Variants in MGMT observed in about 807,000 individuals in gnomAD.
The protein encoded by MGMT is O-6-methylguanine-DNA methyltransferase.
In MGMT, 14 loss-of-function variants were observed where a neutral mutation model predicts 15.9. That is an observed-to-expected ratio of 0.88 (90% CI 0.58 to 1.37). MGMT has a LOEUF of 1.37. Ranked by LOEUF, MGMT falls within the 40% of genes most tolerant of loss-of-function variation. The pLI is 0.00. For missense variants in MGMT, 282 were observed against 268.1 expected (o/e 1.05, Z -0.36); for synonymous variants, 130 against 118.2 (o/e 1.10, Z -0.65).
intron 3 of MGMT, chr10:129,717,717 G>A (rs570060312): frequency 4.6e-5 from 7 of 152,140 alleles, no homozygotes; most frequent in African/African-American, 1.2e-4. Context: ...TGGTCCCTCC[G>A]TGCCGCACAC....
At chr10:129,720,008 G>A (rs184852119) in intron 3 of MGMT, among the ~76,000 whole-genome samples, 166 of 152,296 alleles carry the variant, frequency 1.1e-3, no homozygotes, top group African/African-American at 5.8e-4. Context: ...AGATTGGGCC[G>A]TTATTAGGAA....
intron 2 of MGMT, among the ~76,000 whole-genome samples, chr10:129,681,455 T>C (rs912311755): frequency 6.6e-6 from 1 of 152,172 alleles, no homozygotes; most frequent in Non-Finnish European, 1.5e-5. Context: ...AGATCACTCA[T>C]CCTGGAAACT....
At chr10:129,485,994 A>T (rs117558300) in intron 1 of MGMT, among the ~76,000 whole-genome samples, 4,805 of 152,350 alleles carry the variant, frequency 0.032, 121 homozygotes, top group South Asian at 0.066. Context: ...TCAAAGGACA[A>T]TAATTTTCAA....
chr10:129,744,657 G>A (rs1848673420), intron 3 of MGMT, among the ~76,000 whole-genome samples: 1 of 152,226 alleles, frequency 6.6e-6, no homozygotes, highest in African/African-American at 2.4e-5. Context: ...GTGCCACGGA[G>A]AGCCAGCCAG....
chr10:129,555,781 G>A (rs1177243577), intron 2 of MGMT, among the ~76,000 whole-genome samples: 1 of 152,170 alleles, frequency 6.6e-6, no homozygotes. Flanking sequence ...GAATATATGT[G>A]CTCTTAACAA....
chr10:129,632,223 C>A (rs1254042700), intron 2 of MGMT, among the ~76,000 whole-genome samples: 5 of 152,178 alleles, frequency 3.3e-5, no homozygotes, highest in Admixed American at 2.6e-4. Context: ...TTATTTAACA[C>A]CCTGTGATTG....
chr10:129,732,184 T>C (rs1320264580), intron 3 of MGMT, among the ~76,000 whole-genome samples: 5 of 152,174 alleles, frequency 3.3e-5, no homozygotes, highest in African/African-American at 1.2e-4. Context: ...CTTTAAGTTC[T>C]AGGGTACATG....
intron 3 of MGMT, among the ~76,000 whole-genome samples, chr10:129,743,726 A>G (rs190881320): frequency 3.9e-5 from 6 of 152,348 alleles, no homozygotes; most frequent in Admixed American, 1.3e-4. Context: ...ATGCTGAAAC[A>G]AATGCCATTG....
chr10:129,671,036 A>G (rs532523995), intron 2 of MGMT, among the ~76,000 whole-genome samples: 20 of 152,284 alleles, frequency 1.3e-4, no homozygotes, highest in Non-Finnish European at 2.6e-4. Context: ...TGCCTGAAGA[A>G]TACCTTTTCA....
intron 2 of MGMT, among the ~76,000 whole-genome samples, chr10:129,626,448 T>A (rs1050316481): frequency 1.3e-5 from 2 of 152,102 alleles, no homozygotes; most frequent in Non-Finnish European, 2.9e-5. Context: ...TCGGGGGTGA[T>A]TGGAATGTTT....
At chr10:129,679,152 C>G (rs1428996904) in intron 2 of MGMT, among the ~76,000 whole-genome samples, 1 of 151,894 alleles carries the variant, frequency 6.6e-6, no homozygotes, top group Non-Finnish European at 1.5e-5. Flanking sequence ...ATTCTAAGCT[C>G]TTACAAGCAA....
At position 129,631,845 on chromosome 10, in the gene MGMT, A is replaced by T. The variant is rs552214591; in HGVS notation, c.126-76050A>T. On this transcript the variant is annotated intron_variant, in intron 2 of 4. Transcript: ENST00000651593. ...TCTCAATTTAATAAATAAATAAAAT[A>T]AAAAATGTATATTTCTATTGCATAA... Among the ~76,000 whole-genome samples the T allele has an allele frequency of 1.1e-4, 17 of 152,324 alleles. No individual in the cohort carries two copies. The South Asian group carries it at 2.9e-3, about 26-fold the overall frequency.
At chr10:129,468,157 C>A (rs1293851918) in intron 1 of MGMT, among the ~76,000 whole-genome samples, 1 of 152,186 alleles carries the variant, frequency 6.6e-6, no homozygotes, top group Non-Finnish European at 1.5e-5. Flanking sequence ...TATAGAGTAT[C>A]TGTTAAGTCA....
intron 2 of MGMT, among the ~76,000 whole-genome samples, chr10:129,604,959 G>GC (rs1300913250): frequency 4.6e-5 from 7 of 152,160 alleles, no homozygotes; most frequent in Admixed American, 1.3e-4. Context: ...TTAAATGGGG[G>GC]CCCCACTGTC....
At chr10:129,521,074 G>A (rs975533584) in intron 1 of MGMT, among the ~76,000 whole-genome samples, 1 of 152,132 alleles carries the variant, frequency 6.6e-6, no homozygotes, top group Non-Finnish European at 1.5e-5. Flanking sequence ...CGGGTGCCCA[G>A]CCTGACTGGG....
chr10:129,759,146 T>G, intron 3 of MGMT, 56 bp from the exon 4 acceptor site: 1 of 1,606,102 alleles, frequency 6.2e-7, no homozygotes, highest in Non-Finnish European at 8.5e-7. Context: ...GCTATTTATA[T>G]CAGAGCTGCT....
intron 1 of MGMT, among the ~76,000 whole-genome samples, chr10:129,489,989 G>C (rs947503855): frequency 1.3e-5 from 2 of 152,050 alleles, no homozygotes; most frequent in African/African-American, 4.8e-5. Flanking sequence ...CACTCATCTT[G>C]TTGCTTATTT....
chr10:129,499,533 C>G (rs1320345862), intron 1 of MGMT, among the ~76,000 whole-genome samples: 1 of 152,174 alleles, frequency 6.6e-6, no homozygotes, highest in East Asian at 1.9e-4. Context: ...AGAGATTTTT[C>G]TTTTTCTTAC....
intron 2 of MGMT, among the ~76,000 whole-genome samples, chr10:129,583,942 A>C (rs1190621387): frequency 3.3e-5 from 5 of 152,306 alleles, no homozygotes; most frequent in Admixed American, 6.5e-5. Flanking sequence ...GTGAGGCAGG[A>C]CGTGGAGCAC....
Sources: gnomAD v4.1 joint callset for allele counts (sites outside exome capture counted in the v4.1 genomes callset) on GRCh38, gnomAD v4.1.1 for gene constraint, MANE v1.5 for transcripts, NCBI Gene and HGNC (gene_info 2026-07-23, HGNC 2026-07-21) for gene names.